Variants in RGS6 observed in about 807,000 individuals in gnomAD.
RGS6 encodes the protein regulator of G-protein signaling 6.
In RGS6, 30 loss-of-function variants were observed where a neutral mutation model predicts 78.5. That is an observed-to-expected ratio of 0.38 (90% CI 0.29 to 0.52). The LOEUF (loss-of-function observed/expected upper bound fraction) is 0.52, where lower values mean the gene tolerates loss of function less well. Among genes scored for constraint, RGS6 ranks in the 20% least tolerant of loss-of-function variants. The probability of loss-of-function intolerance (pLI) is 0.85; values close to 1 mark genes in which losing one functional copy is unlikely to be tolerated. For missense variants in RGS6, 495 were observed against 609.7 expected (o/e 0.81, Z 1.98); for synonymous variants, 206 against 206.0 (o/e 1.00, Z 0.00).
chr14:71,936,046 A>G (rs898075203), intron 1 of RGS6, among the ~76,000 whole-genome samples: 5 of 133,988 alleles, frequency 3.7e-5, no homozygotes, highest in Non-Finnish European at 8.1e-5. Context: ...ATATATGTAC[A>G]TATATATCAT....
chr14:72,333,913 A>G (rs1387413516), intron 2 of RGS6, among the ~76,000 whole-genome samples: 1 of 152,218 alleles, frequency 6.6e-6, no homozygotes, highest in Admixed American at 6.5e-5. Context: ...AAATCTCTGC[A>G]TCCCCAAATG....
intron 1 of RGS6, among the ~76,000 whole-genome samples, chr14:71,952,295 C>G (rs997893831): frequency 2.0e-5 from 3 of 151,980 alleles, no homozygotes; most frequent in Non-Finnish European, 4.4e-5. Context: ...AGCAAGCCCC[C>G]TTACATTTAA....
intron 2 of RGS6, among the ~76,000 whole-genome samples, chr14:72,033,132 T>A (rs1260182563): frequency 1.3e-5 from 2 of 152,190 alleles, no homozygotes; most frequent in African/African-American, 4.8e-5. Context: ...GGGCAAAATC[T>A]TCCAATACAA....
intron 3 of RGS6, among the ~76,000 whole-genome samples, chr14:72,402,477 C>T (rs538609191): frequency 6.6e-6 from 1 of 152,130 alleles, no homozygotes; most frequent in South Asian, 2.1e-4. Context: ...AGTAAACATA[C>T]AAATGGCCAA....
intron 2 of RGS6, among the ~76,000 whole-genome samples, chr14:72,119,947 G>T (rs1249437443): frequency 6.6e-6 from 1 of 152,230 alleles, no homozygotes; most frequent in Non-Finnish European, 1.5e-5. Context: ...GAGGAGTGGA[G>T]TGTTGCCTAT....
chr14:72,389,738 C>A (rs757607984), intron 3 of RGS6, among the ~76,000 whole-genome samples: 3 of 152,160 alleles, frequency 2.0e-5, no homozygotes, highest in South Asian at 2.1e-4. Context: ...GACACACACA[C>A]AAAAATTGTT....
At chr14:71,903,088 G>T in the RGS6 span, among the ~76,000 whole-genome samples, 1 of 152,212 alleles carries the variant, frequency 6.6e-6, no homozygotes, top group Non-Finnish European at 1.5e-5. Flanking sequence ...CCAACATTGT[G>T]TTGAAAAGAA....
chr14:72,557,363 C>CTT (rs2097594974), intron 17 of RGS6, among the ~76,000 whole-genome samples: 1 of 152,220 alleles, frequency 6.6e-6, no homozygotes. Flanking sequence ...CCACGGAATT[C>CTT]TTTGCATTCC....
At chr14:72,190,283 T>C (rs2097306003) in intron 2 of RGS6, among the ~76,000 whole-genome samples, 1 of 152,200 alleles carries the variant, frequency 6.6e-6, no homozygotes, top group South Asian at 2.1e-4. Context: ...CTCATTACAC[T>C]CTGCAGACAA....
chr14:72,536,806 C>T (rs933825193), intron 16 of RGS6, among the ~76,000 whole-genome samples: 2 of 152,122 alleles, frequency 1.3e-5, no homozygotes, highest in African/African-American at 4.8e-5. Flanking sequence ...CTTGACACCC[C>T]CTTCCTCTCC....
chr14:72,273,119 C>T (rs1478510425), intron 2 of RGS6, among the ~76,000 whole-genome samples: 3 of 132,638 alleles, frequency 2.3e-5, no homozygotes, highest in African/African-American at 8.3e-5. Flanking sequence ...GCTACAAGGG[C>T]AAAACTCCAT....
chr14:72,604,455 T>C, the RGS6 span, among the ~76,000 whole-genome samples: 1 of 152,204 alleles, frequency 6.6e-6, no homozygotes, highest in Admixed American at 6.5e-5. Flanking sequence ...ATATCTGTGG[T>C]TCCATCCTGA....
the RGS6 span, among the ~76,000 whole-genome samples, chr14:72,572,346 G>C: frequency 6.6e-6 from 1 of 152,054 alleles, no homozygotes; most frequent in African/African-American, 2.4e-5. Context: ...TTGAACACAA[G>C]TGTTCATAGC....
intron 2 of RGS6, among the ~76,000 whole-genome samples, chr14:72,218,476 T>C (rs1383939491): frequency 1.3e-5 from 2 of 152,102 alleles, no homozygotes; most frequent in Non-Finnish European, 2.9e-5. Flanking sequence ...ATTAAATTAA[T>C]ATGTTGTATC....
the RGS6 span, among the ~76,000 whole-genome samples, chr14:71,907,674 GC>G: frequency 1.3e-5 from 2 of 152,042 alleles, no homozygotes; most frequent in African/African-American, 4.8e-5. Context: ...CAGTATGAGG[GC>G]CGGGGTGGGA....
chr14:72,415,115 T>G (rs1481453012), intron 3 of RGS6, among the ~76,000 whole-genome samples: 3 of 152,250 alleles, frequency 2.0e-5, no homozygotes, highest in Admixed American at 6.5e-5. Context: ...TGCCTTTTGT[T>G]TGTCTGTGCC....
At chr14:72,320,151 G>T (rs1337295860) in intron 2 of RGS6, among the ~76,000 whole-genome samples, 1 of 152,180 alleles carries the variant, frequency 6.6e-6, no homozygotes, top group Non-Finnish European at 1.5e-5. Context: ...TAATGCCCAT[G>T]AAGCCCTCAG....
intron 13 of RGS6, among the ~76,000 whole-genome samples, chr14:72,496,243 G>C (rs773967882): frequency 5.9e-5 from 9 of 152,082 alleles, no homozygotes; most frequent in Non-Finnish European, 1.2e-4. Context: ...GTGGATCAGA[G>C]CACCCTGAGC....
chr14:72,479,620 C>G (rs900996382), intron 12 of RGS6, among the ~76,000 whole-genome samples: 1 of 152,336 alleles, frequency 6.6e-6, no homozygotes, highest in Admixed American at 6.5e-5. Flanking sequence ...TCAGCTTACA[C>G]TGAGGTACTG....
Sources: allele counts gnomAD v4.1 joint callset (sites outside exome capture counted in the v4.1 genomes callset), GRCh38; gene constraint gnomAD v4.1.1; transcripts MANE v1.5; gene names NCBI Gene and HGNC (gene_info 2026-07-23, HGNC 2026-07-21).